The following UBE3D variants were observed in gnomAD, a reference collection of about 807,000 sequenced individuals.
UBE3D encodes ubiquitin protein ligase E3D.
Under a neutral mutation model 49.6 loss-of-function variants are expected in UBE3D, and 48 were observed. That is an observed-to-expected ratio of 0.97 (90% confidence interval 0.77 to 1.23). The LOEUF is 1.23. Ranked by LOEUF, UBE3D falls within the 50% of genes most tolerant of loss-of-function variation. The probability of loss-of-function intolerance (pLI) is 0.00; values close to 1 mark genes in which losing one functional copy is unlikely to be tolerated. For synonymous variants in UBE3D, 189 were observed against 174.2 expected (o/e 1.08, Z -0.67); for missense variants, 452 against 468.4 (o/e 0.96, Z 0.32).
intron 9 of UBE3D, among the ~76,000 whole-genome samples, chr6:82,930,746 T>C (rs1774080922): frequency 6.6e-6 from 1 of 152,080 alleles, no homozygotes; most frequent in Non-Finnish European, 1.5e-5. Context: ...GCGGAAGAAA[T>C]TTCTAAGTGG....
intron 5 of UBE3D, among the ~76,000 whole-genome samples, chr6:83,025,488 T>C (rs1781389986): frequency 6.6e-6 from 1 of 152,156 alleles, no homozygotes; most frequent in African/African-American, 2.4e-5. Flanking sequence ...GGTGTACTGC[T>C]GGATACGCTT....
intron 9 of UBE3D, among the ~76,000 whole-genome samples, chr6:82,936,540 C>G (rs1355941932): frequency 2.0e-5 from 3 of 151,910 alleles, no homozygotes; most frequent in African/African-American, 7.3e-5. Flanking sequence ...TCTAAAGAGT[C>G]AAGATAAGGA....
At chr6:82,911,145 A>G (rs1772475556) in intron 9 of UBE3D, among the ~76,000 whole-genome samples, 4 of 150,094 alleles carry the variant, frequency 2.7e-5, no homozygotes, top group Admixed American at 1.4e-4. Context: ...AGAAGGATGG[A>G]AAAATCATTT....
At chr6:82,931,356 C>A (rs751856999) in intron 9 of UBE3D, among the ~76,000 whole-genome samples, 45 of 152,348 alleles carry the variant, frequency 3.0e-4, no homozygotes, top group Non-Finnish European at 4.6e-4. Context: ...TGGTGCACCA[C>A]CTGGTGGAGC....
intron 9 of UBE3D, among the ~76,000 whole-genome samples, chr6:82,899,927 C>G (rs796313160): frequency 3.9e-5 from 6 of 152,302 alleles, no homozygotes; most frequent in African/African-American, 1.4e-4. Flanking sequence ...TATATTGCCT[C>G]TGAAGCACAA....
At chr6:83,064,290 C>T (rs1226753058) in intron 1 of UBE3D, among the ~76,000 whole-genome samples, 1 of 152,108 alleles carries the variant, frequency 6.6e-6, no homozygotes, top group Non-Finnish European at 1.5e-5. Context: ...GTGGCGCGAT[C>T]TCAGCTCACT....
chr6:82,986,708 A>G (rs1778538503), intron 8 of UBE3D, among the ~76,000 whole-genome samples: 1 of 148,212 alleles, frequency 6.7e-6, no homozygotes, highest in Non-Finnish European at 1.5e-5. Flanking sequence ...GATTATACAT[A>G]TATTTATATT....
intron 9 of UBE3D, among the ~76,000 whole-genome samples, chr6:82,911,547 G>A (rs1216271742): frequency 6.6e-6 from 1 of 152,136 alleles, no homozygotes; most frequent in Non-Finnish European, 1.5e-5. Context: ...AGAGGCTAAA[G>A]GTTAGCTGAA....
At chr6:82,891,806 A>C (rs1289397436), downstream of UBE3D, among the ~76,000 whole-genome samples, 1 of 152,178 alleles carries the variant, frequency 6.6e-6, no homozygotes, top group African/African-American at 2.4e-5. Flanking sequence ...TGGGTGGATC[A>C]CCTGAGATCA....
Position 82,904,723 on chromosome 6 carries a change from G to A in UBE3D, c.1150-11681C>T, listed in dbSNP as rs949934604. 8.5e-5 allele frequency among the ~76,000 whole-genome samples: 13 copies of A among 152,274 alleles called. 1 individual carries two copies. The South Asian group carries it at 2.7e-3, about 32-fold the overall frequency. ...CATGTTTAATTGTTTATTTTTAAAGGAGAAGCATAAATGACTAATTGTGTA... is the reference window on the plus strand; with the variant it reads ...CATGTTTAATTGTTTATTTTTAAAGAAGAAGCATAAATGACTAATTGTGTA... On this transcript the variant is annotated intron_variant, in intron 9 of 9. Coordinates refer to ENST00000369747, the MANE Select transcript of UBE3D (RefSeq NM_198920.3).
intron 8 of UBE3D, among the ~76,000 whole-genome samples, chr6:82,960,300 T>C (rs189787659): frequency 1.4e-4 from 22 of 152,272 alleles, no homozygotes; most frequent in African/African-American, 5.3e-4. Context: ...TCAACATTTC[T>C]CTGGAATGAA....
intron 4 of UBE3D, among the ~76,000 whole-genome samples, chr6:83,039,790 C>T (rs1782524894): frequency 6.6e-6 from 1 of 152,032 alleles, no homozygotes; most frequent in South Asian, 2.1e-4. Context: ...ATTACAGGCA[C>T]CTGCCACCAT....
intron 8 of UBE3D, among the ~76,000 whole-genome samples, chr6:82,993,379 C>T (rs1325785602): frequency 6.6e-6 from 1 of 152,112 alleles, no homozygotes; most frequent in Admixed American, 6.5e-5. Flanking sequence ...TGTGAATATA[C>T]AGTCATCCCT....
chr6:83,018,546 C>T (rs1437241510), intron 8 of UBE3D: 3 of 169,012 alleles, frequency 1.8e-5, no homozygotes, highest in Non-Finnish European at 3.7e-5. Flanking sequence ...AGATGAGTGC[C>T]TGACACATAG....
chr6:82,958,184 T>C (rs570243261), intron 8 of UBE3D, among the ~76,000 whole-genome samples: 9 of 152,126 alleles, frequency 5.9e-5, no homozygotes, highest in Non-Finnish European at 1.2e-4. Context: ...GAAAGTGATA[T>C]GGCTGGGGCT....
chr6:82,943,602 C>G (rs1775179594), intron 9 of UBE3D, among the ~76,000 whole-genome samples: 1 of 152,156 alleles, frequency 6.6e-6, no homozygotes, highest in Non-Finnish European at 1.5e-5. Context: ...CACCACTACA[C>G]TACAACCTGG....
chr6:82,937,135 A>G (rs1356358223), intron 9 of UBE3D, among the ~76,000 whole-genome samples: 4 of 152,276 alleles, frequency 2.6e-5, no homozygotes, highest in Non-Finnish European at 5.9e-5. Context: ...ATTTCCATTT[A>G]GACTAGAAAA....
At chr6:82,979,211 AT>A (rs887404406) in intron 8 of UBE3D, among the ~76,000 whole-genome samples, 4 of 152,008 alleles carry the variant, frequency 2.6e-5, no homozygotes, top group African/African-American at 7.2e-5. Context: ...TTGCTAAATG[AT>A]TTTTTTTAAA....
intron 9 of UBE3D, among the ~76,000 whole-genome samples, chr6:82,896,258 T>G (rs533265415): frequency 2.0e-5 from 3 of 152,372 alleles, no homozygotes; most frequent in African/African-American, 7.2e-5. Flanking sequence ...TTTGTTCCAC[T>G]ACACTGAGAA....
Sources: gnomAD v4.1 joint callset for allele counts (sites outside exome capture counted in the v4.1 genomes callset) on GRCh38, gnomAD v4.1.1 for gene constraint, MANE v1.5 for transcripts, NCBI Gene and HGNC (gene_info 2026-07-23, HGNC 2026-07-21) for gene names.